ZDHHC7: variants seen among roughly 807,000 people sequenced by gnomAD.
The protein encoded by ZDHHC7 is zDHHC palmitoyltransferase 7.
ZDHHC7 carries 12 observed loss-of-function variants against 34.1 expected under a neutral mutation model. That is an observed-to-expected ratio of 0.35 (90% confidence interval 0.23 to 0.57). ZDHHC7 has a LOEUF of 0.57. ZDHHC7 is among the 20% of genes least tolerant of loss of function. The pLI, the probability that ZDHHC7 is intolerant of heterozygous loss-of-function variation, is 0.84. For missense variants in ZDHHC7, 388 were observed against 402.7 expected, an observed-to-expected ratio of 0.96 and a Z score of 0.31; for synonymous variants, 185 against 155.4, an observed-to-expected ratio of 1.19 and a Z score of -1.42.
intron 2 of ZDHHC7, among the ~76,000 whole-genome samples, chr16:84,993,375 T>G (rs552791588): frequency 1.8e-4 from 28 of 152,232 alleles, no homozygotes; most frequent in African/African-American, 6.5e-4. Flanking sequence ...CTTACACCTG[T>G]AATCTCAGCA....
the ZDHHC7 span, among the ~76,000 whole-genome samples, chr16:85,023,411 C>T: frequency 6.6e-6 from 1 of 151,932 alleles, no homozygotes; most frequent in Admixed American, 6.6e-5. Context: ...GTGATCCACC[C>T]GCCTCGGCCT....
intron 2 of ZDHHC7, among the ~76,000 whole-genome samples, chr16:84,995,032 C>T (rs994106266): frequency 2.0e-5 from 3 of 152,100 alleles, no homozygotes; most frequent in Non-Finnish European, 2.9e-5. Context: ...ATTTGAGATG[C>T]GGTATTAAAA....
chr16:84,990,440 T>A lies in ZDHHC7; in HGVS notation c.179A>T (p.Tyr60Phe), dbSNP rs2072494143. Residue 60 changes from tyrosine (Y) to phenylalanine (F), a missense_variant, in exon 3 of 8, where the codon TAT becomes TTT. Tyr to Phe is a conservative substitution (Grantham distance 22, BLOSUM62 3). Coordinates refer to ENST00000313732, the MANE Select transcript of ZDHHC7 (RefSeq NM_017740.3). ...GACGAAAGTCACCACGAAGTCTGCATAGGCGACCAGAAGCCACGTCATGAC... is the reference window on the plus strand; with the variant it reads ...GACGAAAGTCACCACGAAGTCTGCAAAGGCGACCAGAAGCCACGTCATGAC... The part of the protein sequence containing the change: ...CAVMTWLLVA[Y>F]ADFVVTFVML... 3.7e-6 allele frequency: 6 copies of A among 1,614,116 alleles called. No individual in the cohort carries two copies. Among genetic ancestry groups the A allele is most frequent in the East Asian group, 4.5e-5 (2 of 44,880 alleles).
intron 3 of ZDHHC7, among the ~76,000 whole-genome samples, chr16:84,985,640 T>C (rs1476108169): frequency 6.6e-6 from 1 of 152,096 alleles, no homozygotes. Context: ...GGATCCTGAT[T>C]CAAGGGAAAA....
intron 3 of ZDHHC7, among the ~76,000 whole-genome samples, chr16:84,987,646 C>T (rs528401896): frequency 6.6e-6 from 1 of 152,184 alleles, no homozygotes; most frequent in Admixed American, 6.5e-5. Context: ...AACTTACACG[C>T]GGCCGTTCAG....
the ZDHHC7 span, among the ~76,000 whole-genome samples, chr16:85,016,782 G>A: frequency 6.6e-6 from 1 of 151,980 alleles, no homozygotes; most frequent in African/African-American, 2.4e-5. Flanking sequence ...TAACAGAGAT[G>A]CCAGCAGTGG....
rs940484619 is a variant in ZDHHC7 at position 84,976,572 on chromosome 16, C to A, written c.751-53G>T. 15 of 1,584,846 alleles carry A rather than the reference C, an allele frequency of 9.5e-6. No homozygotes were observed. The African/African-American group carries it at 1.5e-4, about 16-fold the overall frequency. Reference sequence around the variant, plus strand: ...AGCGGCTCCAGGAAGCTCGGCAGACCCCACCAAGCCTCAGAATCACACCGT... The same window carrying A: ...AGCGGCTCCAGGAAGCTCGGCAGACACCACCAAGCCTCAGAATCACACCGT... On this transcript the variant is annotated intron_variant, in intron 7 of 7. Coordinates refer to ENST00000313732, the MANE Select transcript of ZDHHC7 (RefSeq NM_017740.3).
chr16:85,010,887 C>T (rs1471926819), intron 1 of ZDHHC7, among the ~76,000 whole-genome samples: 2 of 152,216 alleles, frequency 1.3e-5, no homozygotes, highest in African/African-American at 2.4e-5. Context: ...GAAGCCACAA[C>T]GCGAAGTGCG....
At chr16:85,014,169 C>A (rs560775967), upstream of ZDHHC7, among the ~76,000 whole-genome samples, 3 of 152,120 alleles carry the variant, frequency 2.0e-5, no homozygotes, top group African/African-American at 7.2e-5. Context: ...TTTGTCAACC[C>A]AAAATAATCA....
the ZDHHC7 span, among the ~76,000 whole-genome samples, chr16:85,027,575 G>T: frequency 6.6e-6 from 1 of 152,238 alleles, no homozygotes; most frequent in Non-Finnish European, 1.5e-5. Flanking sequence ...CCAGCAAGGG[G>T]GCGCCGGGCG....
At chr16:85,009,540 C>G (rs1480831032) in intron 1 of ZDHHC7, among the ~76,000 whole-genome samples, 1 of 150,760 alleles carries the variant, frequency 6.6e-6, no homozygotes, top group Non-Finnish European at 1.5e-5. Flanking sequence ...TGGGAATTAC[C>G]TTTTCAAATA....
intron 3 of ZDHHC7, among the ~76,000 whole-genome samples, chr16:84,984,071 G>C (rs958066870): frequency 5.4e-4 from 80 of 149,378 alleles, no homozygotes; most frequent in Admixed American, 9.3e-4. Flanking sequence ...CCAGGCTGGA[G>C]TGCAGTGGTG....
the ZDHHC7 span, among the ~76,000 whole-genome samples, chr16:85,023,650 CCTCT>C: frequency 6.7e-6 from 1 of 150,288 alleles, no homozygotes; most frequent in African/African-American, 2.4e-5. Flanking sequence ...ACAGGGTCTC[CCTCT>C]GTCACCCAGG....
upstream of ZDHHC7, among the ~76,000 whole-genome samples, chr16:85,016,514 AG>A (rs2072834906): frequency 6.6e-6 from 1 of 151,394 alleles, no homozygotes; most frequent in African/African-American, 2.4e-5. Context: ...GGAGTGCAGT[AG>A]CCCTGTTATA....
At chr16:84,987,227 A>G (rs1234077152) in intron 3 of ZDHHC7, among the ~76,000 whole-genome samples, 3 of 152,218 alleles carry the variant, frequency 2.0e-5, no homozygotes, top group African/African-American at 7.2e-5. Flanking sequence ...GGTTTCTGTC[A>G]CTTGTCACCA....
intron 7 of ZDHHC7, 76 bp from the exon 8 acceptor site, chr16:84,976,595 C>G (rs1050366833): frequency 6.5e-7 from 1 of 1,545,236 alleles, no homozygotes; most frequent in South Asian, 1.2e-5. Flanking sequence ...AGAATCACAC[C>G]GTGCTCAAGC....
chr16:85,026,053 C>T, the ZDHHC7 span, among the ~76,000 whole-genome samples: 3 of 152,216 alleles, frequency 2.0e-5, no homozygotes, highest in Non-Finnish European at 4.4e-5. Context: ...TTGACAAGGT[C>T]AGAAAACCTT....
At chr16:85,020,607 C>A in the ZDHHC7 span, among the ~76,000 whole-genome samples, 40,764 of 151,952 alleles carry the variant, frequency 0.27, 5,929 homozygotes, top group Admixed American at 0.4. Flanking sequence ...GACACGCAGG[C>A]AGGTCCTACA....
intron 1 of ZDHHC7, among the ~76,000 whole-genome samples, chr16:85,009,898 T>A (rs1243880458): frequency 6.6e-6 from 1 of 151,850 alleles, no homozygotes; most frequent in African/African-American, 2.4e-5. Context: ...TTAGTAGACA[T>A]GGGGTTTCAC....
Sources: allele counts gnomAD v4.1 joint callset (sites outside exome capture counted in the v4.1 genomes callset), GRCh38; gene constraint gnomAD v4.1.1; transcripts MANE v1.5; gene names NCBI Gene and HGNC (gene_info 2026-07-23, HGNC 2026-07-21).